ZNF75D: variants seen among roughly 807,000 people sequenced by gnomAD.
The protein encoded by ZNF75D is zinc finger protein 75D.
A neutral mutation model predicts 33.3 loss-of-function variants in ZNF75D; 33 were observed. The observed-to-expected ratio is 0.99, with a 90% CI of 0.75 to 1.32. The LOEUF (loss-of-function observed/expected upper bound fraction) is 1.32, where lower values mean the gene tolerates loss of function less well. ZNF75D is among the 40% of genes most tolerant of loss of function. The pLI, the probability that ZNF75D is intolerant of heterozygous loss-of-function variation, is 0.00. For synonymous variants in ZNF75D, 113 were observed against 130.6 expected, an observed-to-expected ratio of 0.87 and a Z score of 0.92; for missense variants, 338 against 367.5, an observed-to-expected ratio of 0.92 and a Z score of 0.66.
rs139656149 is a variant in ZNF75D at position 135,287,619 on chromosome X, G to A, written c.1051C>T (p.Leu351Phe). ...PATCKQELPK[L>F]MDLHGKGPTG... Reference sequence around the variant, plus strand: ...GGGCCTTTCCCATGAAGATCCATAAGTTTTGGAAGCTCTTGTTTACAAGTT... The same window carrying A: ...GGGCCTTTCCCATGAAGATCCATAAATTTTGGAAGCTCTTGTTTACAAGTT... Residue 351 changes from leucine to phenylalanine, a missense_variant, in exon 7 of 7, where the codon CTT becomes TTT. By Grantham distance (22) the Leu-to-Phe change is conservative (BLOSUM62 0). Transcript: ENST00000370766. 16 of 1,209,404 alleles carry A rather than the reference G, an allele frequency of 1.3e-5. No homozygotes were observed. The highest frequency in any genetic ancestry group is 5.2e-5 in the African/African-American group (3 of 57,281).
intron 1 of ZNF75D, among the ~76,000 whole-genome samples, chrX:135,260,904 T>C (rs1005616928): frequency 6.9e-4 from 77 of 111,813 alleles, no homozygotes; most frequent in Non-Finnish European, 4.7e-4. Context: ...GTGTCGATTT[T>C]ATCTTTCCTG....
intron 2 of ZNF75D, among the ~76,000 whole-genome samples, chrX:135,294,641 G>T (rs1013468560): frequency 9.0e-5 from 10 of 111,118 alleles, no homozygotes; most frequent in African/African-American, 3.3e-4. Flanking sequence ...GGGCCTATTT[G>T]AGTTTCTCGA....
chrX:135,298,872 G>A (rs1050422451), intron 1 of ZNF75D, among the ~76,000 whole-genome samples: 7 of 111,526 alleles, frequency 6.3e-5, no homozygotes, highest in Non-Finnish European at 1.1e-4. Context: ...TCATATAAAT[G>A]GAATCATATG....
At position 135,337,946 on chromosome X, in the gene ZNF75D, G is replaced by C. The variant is rs144927052; in HGVS notation, c.-391+3822C>G. On this transcript the variant is annotated intron_variant, in intron 1 of 6. Coordinates refer to ENST00000370766, the MANE Select transcript of ZNF75D (RefSeq NM_007131.5). ...GTGTGTGAGGTAAGCAGAGAGGAAAGATGATGCAATTTGAGGATTTTGGGG... is the reference window on the plus strand; with the variant it reads ...GTGTGTGAGGTAAGCAGAGAGGAAACATGATGCAATTTGAGGATTTTGGGG... 6.3e-3 allele frequency among the ~76,000 whole-genome samples: 699 copies of C among 110,693 alleles called. 2 individuals are homozygous for C. Among genetic ancestry groups the C allele is most frequent in the Middle Eastern group, 0.014 (3 of 217 alleles).
At chrX:135,284,328 T>C (rs1401625654), downstream of ZNF75D, among the ~76,000 whole-genome samples, 1 of 112,026 alleles carries the variant, frequency 8.9e-6, no homozygotes, top group Non-Finnish European at 1.9e-5. Flanking sequence ...CATTCTGCCA[T>C]TTATTTCCTT....
chrX:135,291,146 GA>G lies in ZNF75D; in HGVS notation c.697-12del. ...AAATGTCAACAAACTCTAAAGAAGA[GA>G]ATGGGCTATAGTTTAGTACTTGCCA... On this transcript the variant is annotated splice_polypyrimidine_tract_variant and intron_variant, in intron 5 of 6. Coordinates refer to ENST00000370766, the MANE Select transcript of ZNF75D (RefSeq NM_007131.5). 1 of 1,210,695 alleles carries G rather than the reference GA, an allele frequency of 8.3e-7. No individual in the cohort carries two copies. Among genetic ancestry groups the G allele is most frequent in the Non-Finnish European group, 1.1e-6 (1 of 894,818 alleles).
intron 1 of ZNF75D, among the ~76,000 whole-genome samples, chrX:135,260,425 G>C: frequency 1.1e-5 from 1 of 93,266 alleles, no homozygotes; most frequent in East Asian, 2.9e-4. Context: ...GTCTGGTCCT[G>C]GCCTTTTTTT....
At chrX:135,305,648 G>C (rs1166367931) in intron 1 of ZNF75D, among the ~76,000 whole-genome samples, 1 of 111,057 alleles carries the variant, frequency 9.0e-6, no homozygotes, top group Non-Finnish European at 1.9e-5. Flanking sequence ...AGACCTCTAA[G>C]TGGGCTTTTA....
intron 1 of ZNF75D, among the ~76,000 whole-genome samples, chrX:135,303,090 G>A (rs1457263015): frequency 9.0e-6 from 1 of 111,248 alleles, no homozygotes; most frequent in African/African-American, 3.3e-5. Flanking sequence ...TTAAAGAGCA[G>A]TATTGCTGCC....
intron 1 of ZNF75D, chrX:135,297,317 G>A (rs2084146103): frequency 8.9e-6 from 1 of 112,317 alleles, no homozygotes; most frequent in Non-Finnish European, 1.9e-5. Context: ...GTGTGTAAAA[G>A]GACACAGTGC....
At chrX:135,289,206 T>C (rs2084000016) in intron 6 of ZNF75D, among the ~76,000 whole-genome samples, 1 of 113,113 alleles carries the variant, frequency 8.8e-6, no homozygotes, top group South Asian at 3.6e-4. Context: ...AGACTTGCTA[T>C]GAAGAAATGC....
intron 1 of ZNF75D, among the ~76,000 whole-genome samples, chrX:135,325,623 G>C (rs1412700283): frequency 7.1e-5 from 8 of 112,609 alleles, no homozygotes; most frequent in African/African-American, 2.6e-4. Context: ...GGGTGTACTG[G>C]GTCCCCCAGC....
chrX:135,313,178 AG>A (rs2084380771), intron 1 of ZNF75D, among the ~76,000 whole-genome samples: 1 of 111,337 alleles, frequency 9.0e-6, no homozygotes, highest in African/African-American at 3.3e-5. Flanking sequence ...ATATGGTTAG[AG>A]GTAGGGGTCT....
chrX:135,312,535 T>C (rs997542602), intron 1 of ZNF75D, among the ~76,000 whole-genome samples: 3 of 111,867 alleles, frequency 2.7e-5, no homozygotes, highest in Non-Finnish European at 3.8e-5. Flanking sequence ...CCAGATCATA[T>C]AGTAGATATA....
At chrX:135,298,039 C>T (rs1336290513) in intron 1 of ZNF75D, 5 of 111,211 alleles carry the variant, frequency 4.5e-5, no homozygotes, top group Non-Finnish European at 9.4e-5. Flanking sequence ...GGGCTCCATA[C>T]TAATGACCCC....
intron 1 of ZNF75D, among the ~76,000 whole-genome samples, chrX:135,337,832 G>A (rs1174933550): frequency 1.8e-5 from 2 of 111,339 alleles, no homozygotes; most frequent in East Asian, 5.6e-4. Context: ...AGTAGGATGA[G>A]GGCGTCAGCT....
In ZNF75D at chrX:135,286,340, G is replaced by C. The variant is rs1396085938; in HGVS notation, c.*797C>G. ...GTCCACATAATGAAAGTCAGAAAAAGACCATTTACCACTTATCTGTGCTTT... is the reference window on the plus strand; with the variant it reads ...GTCCACATAATGAAAGTCAGAAAAACACCATTTACCACTTATCTGTGCTTT... On this transcript the variant is annotated 3_prime_UTR_variant, in exon 7 of 7. Transcript: ENST00000370766. 3 of 111,570 alleles carry C rather than the reference G, an allele frequency of 2.7e-5. No individual in the cohort carries two copies. The highest frequency in any genetic ancestry group is 5.7e-5 in the Non-Finnish European group (3 of 53,056). The allele number at this position is 111,570 out of a possible 1,213,427, so 9.2% of individuals were successfully genotyped here. A position where few individuals can be genotyped will look rare whatever the true frequency, so the allele number is the denominator to read the frequency against.
intron 1 of ZNF75D, among the ~76,000 whole-genome samples, chrX:135,311,239 G>A (rs1330478968): frequency 8.9e-6 from 1 of 111,846 alleles, no homozygotes; most frequent in African/African-American, 3.3e-5. Context: ...CATGGCAGTA[G>A]ACAAAATCGC....
intron 1 of ZNF75D, among the ~76,000 whole-genome samples, chrX:135,308,611 A>C (rs782439498): frequency 1.3e-4 from 15 of 112,292 alleles, no homozygotes; most frequent in Non-Finnish European, 2.3e-4. Flanking sequence ...CTTGAGGTCA[A>C]AATAGAGAAC....
Sources: gnomAD v4.1 joint callset for allele counts (sites outside exome capture counted in the v4.1 genomes callset) on GRCh38, gnomAD v4.1.1 for gene constraint, MANE v1.5 for transcripts, NCBI Gene and HGNC (gene_info 2026-07-23, HGNC 2026-07-21) for gene names.